ATP6V1C2: variants seen among roughly 807,000 people sequenced by gnomAD.
ATP6V1C2 encodes ATPase H+ transporting V1 subunit C2, also known as V-type proton ATPase subunit C 2.
Under a neutral mutation model 56.8 loss-of-function variants are expected in ATP6V1C2, and 45 were observed. The observed-to-expected ratio is 0.79, with a 90% CI of 0.62 to 1.02. The LOEUF (loss-of-function observed/expected upper bound fraction) is 1.02, where lower values mean the gene tolerates loss of function less well. Among genes scored for constraint, ATP6V1C2 ranks in the 50% least tolerant of loss-of-function variants. ATP6V1C2 has a pLI of 0.00. For synonymous variants in ATP6V1C2, 220 were observed against 201.3 expected, an observed-to-expected ratio of 1.09 and a Z score of -0.79; for missense variants, 463 against 519.7, an observed-to-expected ratio of 0.89 and a Z score of 1.06.
chr2:10,749,664 ATTC>A (rs72098699), intron 3 of ATP6V1C2, among the ~76,000 whole-genome samples: 2,610 of 152,272 alleles, frequency 0.017, 67 homozygotes, highest in African/African-American at 0.06. Flanking sequence ...AAATGTTCAT[ATTC>A]TTAATTCCAG....
intron 5 of ATP6V1C2, among the ~76,000 whole-genome samples, chr2:10,766,555 AAAAT>A (rs1664233258): frequency 1.3e-5 from 2 of 152,178 alleles, no homozygotes; most frequent in Admixed American, 6.5e-5. Flanking sequence ...TGAAATCAGA[AAAAT>A]AAAGACAAGC....
chr2:10,756,610 T>C (rs59676698), intron 4 of ATP6V1C2, among the ~76,000 whole-genome samples: 29,257 of 151,706 alleles, frequency 0.19, 3,111 homozygotes, highest in East Asian at 0.37. Flanking sequence ...CCCAGCTTCT[T>C]GGGAGGCTGA....
intron 4 of ATP6V1C2, among the ~76,000 whole-genome samples, chr2:10,758,176 G>A (rs532954979): frequency 1.8e-4 from 28 of 152,252 alleles, no homozygotes; most frequent in African/African-American, 6.7e-4. Context: ...GGGACTGCAA[G>A]GCTGACTTCA....
At chr2:10,739,803 T>TA (rs377230301) in intron 3 of ATP6V1C2, among the ~76,000 whole-genome samples, 139 of 152,204 alleles carry the variant, frequency 9.1e-4, no homozygotes, top group African/African-American at 3.0e-3. Flanking sequence ...GATGTTTAAA[T>TA]AAAACTTTAC....
intron 10 of ATP6V1C2, 90 bp from the exon 11 acceptor site, chr2:10,777,495 C>T (rs1686508): frequency 3.3e-6 from 5 of 1,525,632 alleles, no homozygotes; most frequent in African/African-American, 2.7e-5. Context: ...CCTGAGCTTG[C>T]TCTCGCGTGC....
intron 3 of ATP6V1C2, among the ~76,000 whole-genome samples, chr2:10,750,986 A>G (rs1372546423): frequency 3.3e-5 from 5 of 152,220 alleles, no homozygotes; most frequent in East Asian, 1.9e-4. Context: ...GTTGTTTGAT[A>G]TATGAAATTT....
chr2:10,760,151 T>C lies in ATP6V1C2; in HGVS notation c.284-4180T>C, dbSNP rs372060587. On this transcript the variant is annotated intron_variant, in intron 4 of 13. Coordinates refer to ENST00000272238, the MANE Select transcript of ATP6V1C2 (RefSeq NM_001039362.2). Reference sequence around the variant, plus strand: ...ACTCTGGGAGGCCGAGGCGGGCGGATCACCTGAGGTCAGGAGTTCGAGACC... The same window carrying C: ...ACTCTGGGAGGCCGAGGCGGGCGGACCACCTGAGGTCAGGAGTTCGAGACC... Among the ~76,000 whole-genome samples, 27 of 151,500 alleles carry C rather than the reference T, an allele frequency of 1.8e-4. 1 individual carries two copies. The South Asian group carries it at 4.0e-3, about 22-fold the overall frequency.
Position 10,777,672 on chromosome 2 carries a change from C to G in ATP6V1C2, c.913C>G (p.Pro305Ala), listed in dbSNP as rs1242969060. ...KVTPLGNPDR[P>A]AAGQTDRERE... Reference sequence around the variant, plus strand: ...AACCCCGCTAGGTAACCCTGATAGGCCTGCTGCGGGGCAGACCGACAGAGA... The same window carrying G: ...AACCCCGCTAGGTAACCCTGATAGGGCTGCTGCGGGGCAGACCGACAGAGA... The change falls in exon 11 of 14, where the codon CCT becomes GCT. Residue 305 changes from proline (P) to alanine (A), a missense_variant. By Grantham distance (27) the Pro-to-Ala change is conservative. Coordinates refer to ENST00000272238, the MANE Select transcript of ATP6V1C2 (RefSeq NM_001039362.2). 6.2e-7 allele frequency: 1 copy of G among 1,613,938 alleles called. No homozygotes were observed. Among genetic ancestry groups the G allele is most frequent in the Non-Finnish European group, 8.5e-7 (1 of 1,180,012 alleles).
chr2:10,781,335 C>T (rs1433673776), intron 12 of ATP6V1C2, among the ~76,000 whole-genome samples: 9 of 151,874 alleles, frequency 5.9e-5, no homozygotes, highest in Admixed American at 2.0e-4. Flanking sequence ...ATTAGCCTGG[C>T]GTGGTGGTGG....
Position 10,771,951 on chromosome 2 carries a change from G to A in ATP6V1C2, c.569+14G>A, listed in dbSNP as rs746004489. On this transcript the variant is annotated intron_variant, in intron 7 of 13. Coordinates refer to ENST00000272238, the MANE Select transcript of ATP6V1C2 (RefSeq NM_001039362.2). ...CATCGTCCCCAAGTGAGTGCTGGGC[G>A]ATCACGAAGGAAACCGGCCCTGCCC... 13 of 1,609,006 alleles carry A rather than the reference G, an allele frequency of 8.1e-6. No homozygotes were observed. Among genetic ancestry groups the A allele is most frequent in the Admixed American group, 3.3e-5 (2 of 60,006 alleles).
chr2:10,778,984 C>T (rs1472469837), intron 12 of ATP6V1C2, among the ~76,000 whole-genome samples: 2 of 152,202 alleles, frequency 1.3e-5, no homozygotes, highest in African/African-American at 2.4e-5. Flanking sequence ...GCCCGCAGGG[C>T]CCGAGTGGCT....
In ATP6V1C2 at chr2:10,733,190, C is replaced by T. The variant is rs1003691107; in HGVS notation, c.197+6621C>T. Among the ~76,000 whole-genome samples the T allele has an allele frequency of 3.3e-5, 5 of 152,252 alleles. No homozygotes were observed. The East Asian group carries it at 5.8e-4, about 18-fold the overall frequency. Reference sequence around the variant, plus strand: ...GAAGGAAAATGGTGTGGTCTGAGCACGTCAAAATTCTAATCTTAGCTTTTT... The same window carrying T: ...GAAGGAAAATGGTGTGGTCTGAGCATGTCAAAATTCTAATCTTAGCTTTTT... On this transcript the variant is annotated intron_variant, in intron 3 of 13. Transcript: ENST00000272238.
intron 3 of ATP6V1C2, among the ~76,000 whole-genome samples, chr2:10,731,459 G>A (rs11888488): frequency 0.11 from 16,166 of 152,210 alleles, 1,764 homozygotes; most frequent in East Asian, 0.4. Flanking sequence ...ACCACAGGGA[G>A]GTATGACTGG....
intron 3 of ATP6V1C2, among the ~76,000 whole-genome samples, chr2:10,737,346 C>A (rs1268638166): frequency 6.7e-6 from 1 of 149,376 alleles, no homozygotes; most frequent in African/African-American, 2.5e-5. Context: ...TGGAGCATGG[C>A]TTGAACCCGG....
At chr2:10,777,013 T>A (rs777075016) in intron 10 of ATP6V1C2, among the ~76,000 whole-genome samples, 1 of 152,176 alleles carries the variant, frequency 6.6e-6, no homozygotes, top group Non-Finnish European at 1.5e-5. Context: ...TTGTCACTCA[T>A]CAACCAGAGG....
At chr2:10,768,936 G>A (rs1664405755) in intron 6 of ATP6V1C2, 126 bp downstream of exon 6, 1 of 743,934 alleles carries the variant, frequency 1.3e-6, no homozygotes, top group Non-Finnish European at 2.3e-6. Flanking sequence ...AGACAGACAG[G>A]TGGAGGCACT....
chr2:10,774,072 C>T (rs542918276), intron 8 of ATP6V1C2, among the ~76,000 whole-genome samples: 39 of 152,350 alleles, frequency 2.6e-4, no homozygotes, highest in Middle Eastern at 3.4e-3. Flanking sequence ...CCTGGCCTCC[C>T]AGACCAGAGC....
chr2:10,739,197 C>T (rs149051089), intron 3 of ATP6V1C2, among the ~76,000 whole-genome samples: 1 of 152,126 alleles, frequency 6.6e-6, no homozygotes, highest in Admixed American at 6.5e-5. Context: ...GCAGGAGAAT[C>T]GCTTGAACCC....
chr2:10,741,424 G>A (rs573056997), intron 3 of ATP6V1C2, among the ~76,000 whole-genome samples: 5 of 18,200 alleles, frequency 2.7e-4, no homozygotes, highest in African/African-American at 7.3e-4. Flanking sequence ...AGTCACCAGG[G>A]GAGGCAGGGA....
Sources: gnomAD v4.1 joint callset for allele counts (sites outside exome capture counted in the v4.1 genomes callset) on GRCh38, gnomAD v4.1.1 for gene constraint, MANE v1.5 for transcripts, NCBI Gene and HGNC (gene_info 2026-07-23, HGNC 2026-07-21) for gene names.